RNF213: variants seen among roughly 807,000 people sequenced by gnomAD.
RNF213 encodes ring finger protein 213, also known as E3 ubiquitin-protein ligase RNF213.
A neutral mutation model predicts 514.4 loss-of-function variants in RNF213; 341 were observed. The ratio of observed to expected loss-of-function variants is 0.66; its 90% CI spans 0.61 to 0.73. The LOEUF (loss-of-function observed/expected upper bound fraction) is 0.73, where lower values mean the gene tolerates loss of function less well. RNF213 is among the 30% of genes least tolerant of loss of function. The pLI is 0.00. For missense variants in RNF213, 5,767 were observed against 6,615.6 expected (o/e 0.87, Z 4.45); for synonymous variants, 2,655 against 2,658.2 (o/e 1.00, Z 0.04).
Position 80,333,928 on chromosome 17 carries a change from C to T in RNF213, c.4144-177C>T, listed in dbSNP as rs1038576451. ...TTCATCTTGATCAGGGAGAAACAGCCATGGGGGTTTGATCATCCAATTCAG... is the reference window on the plus strand; with the variant it reads ...TTCATCTTGATCAGGGAGAAACAGCTATGGGGGTTTGATCATCCAATTCAG... On this transcript the variant is annotated intron_variant, in intron 21 of 67. Coordinates refer to ENST00000582970, the MANE Select transcript of RNF213 (RefSeq NM_001256071.3). The T allele has an allele frequency of 3.1e-5, 20 of 636,088 alleles. 1 individual carries two copies. In the East Asian group the frequency reaches 5.6e-4, roughly 18 times the overall value. The allele number at this position is 636,088 out of a possible 1,614,324, so 39.4% of individuals were successfully genotyped here. A position where few individuals can be genotyped will look rare whatever the true frequency, so the allele number is the denominator to read the frequency against.
rs1038543633 is a variant in RNF213, at chr17:80,334,175, A to G, written c.4214A>G (p.Lys1405Arg). ...AACCAGGAGCTCATCCAGGCCAAAA[A>G]GCTGCTCCAGGACATCAGCGAGGCC... is the stretch of plus-strand genomic sequence containing the variant. The part of the protein sequence containing the change: ...QINQELIQAK[K>R]LLQDISEARC... The change falls in exon 22 of 68, where the codon AAG (lysine) becomes AGG (arginine). Residue 1405 changes from lysine (K) to arginine (R), a missense_variant. Lys to Arg is a conservative substitution (Grantham distance 26). Coordinates refer to ENST00000582970, the MANE Select transcript of RNF213 (RefSeq NM_001256071.3). 62 of 1,537,108 alleles carry G rather than the reference A, an allele frequency of 4.0e-5. No individual in the cohort carries two copies. Among genetic ancestry groups the G allele is most frequent in the Non-Finnish European group, 5.1e-5 (59 of 1,146,902 alleles).
chr17:80,302,055 C>T (rs982464141), intron 11 of RNF213, among the ~76,000 whole-genome samples: 11 of 152,106 alleles, frequency 7.2e-5, no homozygotes, highest in Admixed American at 2.6e-4. Context: ...CTGCATATTC[C>T]CACTCATACG....
At chr17:80,330,137 CT>C (rs1349139262) in intron 20 of RNF213, among the ~76,000 whole-genome samples, 1 of 152,128 alleles carries the variant, frequency 6.6e-6, no homozygotes, top group Non-Finnish European at 1.5e-5. Flanking sequence ...AATTCTTTTT[CT>C]CGGAATGTTC....
Position 80,353,120 on chromosome 17 carries a change from G to T in RNF213, c.10423+61G>T. 2 of 1,601,402 alleles carry T rather than the reference G, an allele frequency of 1.2e-6. No individual in the cohort carries two copies. The highest frequency in any genetic ancestry group is 8.5e-7 in the Non-Finnish European group (1 of 1,178,358). ...GGTGGAAGGGCAGATGGCAGGTGTG[G>T]AGCGTGGCGTGCACATGGCACTAGG... is the stretch of plus-strand genomic sequence containing the variant. On this transcript the variant is annotated intron_variant, in intron 33 of 67. Coordinates refer to ENST00000582970, the MANE Select transcript of RNF213 (RefSeq NM_001256071.3). This position sits in a 1 kb window ranked among gnomAD's most constrained non-coding sequence, Gnocchi z 5.0.
At chr17:80,307,487 C>T (rs896644461) in intron 13 of RNF213, among the ~76,000 whole-genome samples, 5 of 150,324 alleles carry the variant, frequency 3.3e-5, no homozygotes, top group Non-Finnish European at 5.9e-5. Context: ...CTCAGCCTCC[C>T]GAGTAGCTGG....
chr17:80,297,313 G>A (rs1041048993), intron 10 of RNF213, among the ~76,000 whole-genome samples: 2 of 152,086 alleles, frequency 1.3e-5, no homozygotes, highest in Admixed American at 1.3e-4. Flanking sequence ...AGCCGGGCGT[G>A]GTGGTGCATG....
intron 21 of RNF213, among the ~76,000 whole-genome samples, chr17:80,333,333 T>C (rs1330648705): frequency 1.3e-5 from 2 of 150,990 alleles, no homozygotes; most frequent in East Asian, 4.0e-4. Context: ...GTGCTGGGAT[T>C]ACAGGCGTGA....
chr17:80,383,729 G>A lies in RNF213; in HGVS notation c.14123G>A (p.Arg4708His), dbSNP rs773098626. The A allele has an allele frequency of 9.3e-6, 15 of 1,613,600 alleles. No homozygotes were observed. The African/African-American group carries it at 9.4e-5, about 10-fold the overall frequency. Residue 4708 changes from arginine (R) to histidine (H), a missense_variant, in exon 59 of 68, where the codon CGT (arginine) becomes CAT (histidine). This residue lies in a region of RNF213 where 1,245 missense variants were observed against 1,339.0 expected (regional missense o/e 0.93). Coordinates refer to ENST00000582970, the MANE Select transcript of RNF213 (RefSeq NM_001256071.3). ...TMNNLISQDK[R>H]ISSNPVAKII... is the part of the protein sequence containing the mutation. ...AATAATCTCATCAGCCAAGATAAGC[G>A]TATCAGCTCTAACCCTGTGGCCAAA...
At chr17:80,267,389 G>A (rs1220903596) in intron 2 of RNF213, among the ~76,000 whole-genome samples, 1 of 152,098 alleles carries the variant, frequency 6.6e-6, no homozygotes, top group African/African-American at 2.4e-5. Context: ...GTTGCAGTGA[G>A]CCGAGATCAC....
chr17:80,364,677 G>T, intron 42 of RNF213, 124 bp downstream of exon 42: 1 of 1,163,574 alleles, frequency 8.6e-7, no homozygotes. Flanking sequence ...GTCTAGACAT[G>T]CAAAGGAAGG....
At chr17:80,367,580 G>C (rs764074862) in intron 42 of RNF213, among the ~76,000 whole-genome samples, 168 bp from the exon 43 acceptor site, 3 of 152,144 alleles carry the variant, frequency 2.0e-5, no homozygotes, top group Admixed American at 6.5e-5. Flanking sequence ...ATCACAAAAC[G>C]AGCATTCAGA....
chr17:80,306,247 T>C lies in RNF213; in HGVS notation c.2211-5T>C, dbSNP rs762610174. On this transcript the variant is annotated splice_region_variant and splice_polypyrimidine_tract_variant and intron_variant, in intron 11 of 67. Coordinates refer to ENST00000582970, the MANE Select transcript of RNF213 (RefSeq NM_001256071.3). ...CTTTTCTCCGTCCCTATTTCTCTTA[T>C]GCAGGAGTTCCCTACTTCAGTTTAT... 1.2e-5 allele frequency: 19 copies of C among 1,614,004 alleles called. No individual in the cohort carries two copies. Among genetic ancestry groups the C allele is most frequent in the East Asian group, 1.1e-4 (5 of 44,884 alleles).
In RNF213 at chr17:80,288,771, G is replaced by A; in HGVS notation, c.933+16G>A. On this transcript the variant is annotated intron_variant, in intron 5 of 67. Transcript: ENST00000582970. This position sits in a 1 kb window ranked among gnomAD's most constrained non-coding sequence, Gnocchi z 4.9. ...ACACTGCCAGGTGCGTCTCCTTCCT[G>A]CCTGCCGGCTCCAGGAGGCCCTCTC... 6.2e-7 allele frequency: 1 copy of A among 1,613,998 alleles called. No homozygotes were observed. Among genetic ancestry groups the A allele is most frequent in the Non-Finnish European group, 8.5e-7 (1 of 1,180,040 alleles).
chr17:80,334,420 T>G (rs2077925010), intron 22 of RNF213, 150 bp downstream of exon 22: 1 of 782,134 alleles, frequency 1.3e-6, no homozygotes, highest in Non-Finnish European at 2.0e-6. Flanking sequence ...TTTAGGGAGA[T>G]GGGCACTGAT....
chr17:80,365,054 G>A, intron 42 of RNF213: 1 of 206,670 alleles, frequency 4.8e-6, no homozygotes, highest in Non-Finnish European at 1.0e-5. Flanking sequence ...ACTAATGTGG[G>A]GTGGTCTGCA....
chr17:80,343,843 G>A lies in RNF213; in HGVS notation c.6184-14G>A, dbSNP rs368359130. 57 of 1,613,950 alleles carry A rather than the reference G, an allele frequency of 3.5e-5. No individual in the cohort carries two copies. The African/African-American group carries it at 5.6e-4, about 16-fold the overall frequency. ...CGTGTCGTGTGTTTACACCTCGTGC[G>A]ATTCTGTTCTTAGGTGCAGACTGGA... On this transcript the variant is annotated splice_polypyrimidine_tract_variant and intron_variant, in intron 27 of 67. Transcript: ENST00000582970. This position sits in a 1 kb window ranked among gnomAD's most constrained non-coding sequence, Gnocchi z 4.3.
In RNF213 at chr17:80,343,833, C is replaced by T. The variant is rs571786740; in HGVS notation, c.6184-24C>T. On this transcript the variant is annotated intron_variant, in intron 27 of 67. Transcript: ENST00000582970. This position sits in a 1 kb window ranked among gnomAD's most constrained non-coding sequence, Gnocchi z 4.3. ...AACTCGCCATCGTGTCGTGTGTTTA[C>T]ACCTCGTGCGATTCTGTTCTTAGGT... The T allele has an allele frequency of 2.1e-5, 34 of 1,613,852 alleles. No individual in the cohort carries two copies. The Admixed American group carries it at 3.2e-4, about 15-fold the overall frequency.
rs373243959 is a variant in RNF213, at chr17:80,288,453, G to A, written c.810+90G>A. The stretch of plus-strand genomic sequence containing the variant: ...AAGGTGCTGGCGTTGCTTCCCTGCC[G>A]GGGGGAGGGGCGTCCTCTGGGCCCT... On this transcript the variant is annotated intron_variant, in intron 4 of 67. Coordinates refer to ENST00000582970, the MANE Select transcript of RNF213 (RefSeq NM_001256071.3). This position sits in a 1 kb window ranked among gnomAD's most constrained non-coding sequence, Gnocchi z 4.9. 8.9e-5 allele frequency: 141 copies of A among 1,590,928 alleles called. No individual in the cohort carries two copies. The East Asian group carries it at 2.3e-3, about 26-fold the overall frequency.
In RNF213 at chr17:80,291,613, C is replaced by T; in HGVS notation, c.1272-15C>T. On this transcript the variant is annotated splice_polypyrimidine_tract_variant and intron_variant, in intron 7 of 67. Coordinates refer to ENST00000582970, the MANE Select transcript of RNF213 (RefSeq NM_001256071.3). ...AGGAATTTTGGATAGCCAACCGTAT[C>T]CTGTTCATTCACAGAGACTTGGGTC... 1 of 1,613,914 alleles carries T rather than the reference C, an allele frequency of 6.2e-7. No homozygotes were observed. Among genetic ancestry groups the T allele is most frequent in the East Asian group, 2.2e-5 (1 of 44,882 alleles).
Sources: allele counts gnomAD v4.1 joint callset (sites outside exome capture counted in the v4.1 genomes callset), GRCh38; gene constraint gnomAD v4.1.1; regional missense constraint gnomAD v4.1.1; non-coding constraint Gnocchi (gnomAD v3.1); transcripts MANE v1.5; gene names NCBI Gene and HGNC (gene_info 2026-07-23, HGNC 2026-07-21).